CLN3: variants seen among roughly 807,000 people sequenced by gnomAD.
CLN3 encodes the protein battenin.
Under a neutral mutation model 60.7 loss-of-function variants are expected in CLN3, and 49 were observed. The ratio of observed to expected loss-of-function variants is 0.81; its 90% CI spans 0.64 to 1.02. The LOEUF (loss-of-function observed/expected upper bound fraction) is 1.02. Ranked by LOEUF, CLN3 falls within the 50% of genes least tolerant of loss-of-function variation. CLN3 has a pLI of 0.00. For missense variants in CLN3, 516 were observed against 557.4 expected, an observed-to-expected ratio of 0.93 and a Z score of 0.75; for synonymous variants, 256 against 245.8, an observed-to-expected ratio of 1.04 and a Z score of -0.39.
chr16:28,489,505 C>A, intron 3 of CLN3, 119 bp from the exon 4 acceptor site: 1 of 739,904 alleles, frequency 1.4e-6, no homozygotes. Context: ...TTCCCTCTAT[C>A]ACCAGATCCC....
At chr16:28,479,401 C>G (rs1223411822) in intron 14 of CLN3, 1 of 152,200 alleles carries the variant, frequency 6.6e-6, no homozygotes, top group African/African-American at 2.4e-5. Flanking sequence ...GCCTGGCCAA[C>G]ATGGCGAAAC....
intron 3 of CLN3, among the ~76,000 whole-genome samples, chr16:28,490,734 T>C (rs1377984809): frequency 7.9e-6 from 1 of 126,394 alleles, no homozygotes; most frequent in Non-Finnish European, 1.6e-5. Context: ...CACTCCAGCC[T>C]GGAGGACAGA....
At position 28,491,558 on chromosome 16, in the gene CLN3, C is replaced by T. The variant is rs386833726; in HGVS notation, c.49G>A (p.Glu17Lys). 2.7e-5 allele frequency: 44 copies of T among 1,614,006 alleles called. No individual in the cohort carries two copies. In the Admixed American group the frequency reaches 4.5e-4, roughly 17 times the overall value. The change falls in exon 3 of 16, where the codon GAG becomes AAG. Residue 17 changes from glutamate to lysine, a missense_variant and splice_region_variant. Coordinates refer to ENST00000636147, the MANE Select transcript of CLN3 (RefSeq NM_001042432.2). ...AGCCGGGGCTCCGGGACGGTCTCCT[C>T]CCCTGGGAGAGCGAGAAGAGGGCAT... ...SRRRFSDSEGEETVPEPRLPL... is the reference protein window; with the variant it reads ...SRRRFSDSEGKETVPEPRLPL...
chr16:28,478,831 A>G (rs1353415024), intron 14 of CLN3, among the ~76,000 whole-genome samples: 1 of 152,112 alleles, frequency 6.6e-6, no homozygotes. Context: ...CAACCAAAGC[A>G]TGCCTGCAGA....
chr16:28,486,750 GA>G, intron 7 of CLN3, 100 bp from the exon 8 acceptor site: 1 of 1,163,524 alleles, frequency 8.6e-7, no homozygotes, highest in South Asian at 1.3e-5. Context: ...TCAGCTCATA[GA>G]GGCTCCAATA....
intron 15 of CLN3, 26 bp downstream of exon 15, chr16:28,477,711 C>G (rs775671365): frequency 4.3e-6 from 7 of 1,614,108 alleles, no homozygotes; most frequent in Middle Eastern, 1.6e-4. Flanking sequence ...CAGGCCACCC[C>G]CAGCCCTTGC....
At chr16:28,487,417 C>T in intron 7 of CLN3, 39 bp downstream of exon 7, 2 of 1,520,632 alleles carry the variant, frequency 1.3e-6, no homozygotes, top group Non-Finnish European at 1.8e-6. Flanking sequence ...TGATGTGGTT[C>T]CTCGGGGCTC....
At chr16:28,479,218 T>C (rs1596553358) in intron 14 of CLN3, among the ~76,000 whole-genome samples, 1 of 152,204 alleles carries the variant, frequency 6.6e-6, no homozygotes, top group African/African-American at 2.4e-5. Flanking sequence ...TAGGTACAAA[T>C]GCCCCAAGCG....
At chr16:28,483,067 G>A (rs538369887) in intron 10 of CLN3, among the ~76,000 whole-genome samples, 1 of 151,844 alleles carries the variant, frequency 6.6e-6, no homozygotes, top group Admixed American at 6.6e-5. Context: ...TTGCGCCATT[G>A]CACTCCAGCC....
Position 28,482,190 on chromosome 16 carries a change from A to G in CLN3, c.971T>C (p.Met324Thr). Residue 324 changes from methionine (M) to threonine (T), a missense_variant, in exon 14 of 16, where the codon ATG becomes ACG. Coordinates refer to ENST00000636147, the MANE Select transcript of CLN3 (RefSeq NM_001042432.2). ...SHAQQYRWYQ[M>T]LYQAGVFASR... ...GGCAAAGACGCCAGCCTGGTACAGC[A>G]TCTGGTACCTGAGGTTAGGGTTGGG... 6.2e-7 allele frequency: 1 copy of G among 1,613,180 alleles called. No individual in the cohort carries two copies. The highest frequency in any genetic ancestry group is 8.5e-7 in the Non-Finnish European group (1 of 1,179,716).
At chr16:28,488,064 T>A (rs2141715894) in intron 5 of CLN3, 1 of 281,628 alleles carries the variant, frequency 3.6e-6, no homozygotes, top group Admixed American at 4.6e-5. Flanking sequence ...ATTTTGAGAG[T>A]GAGTCTCATT....
intron 10 of CLN3, among the ~76,000 whole-genome samples, chr16:28,483,100 A>G (rs42861): frequency 0.51 from 77,118 of 151,668 alleles, 20,451 homozygotes; most frequent in African/African-American, 0.64. Flanking sequence ...GCGAAACTCC[A>G]CCTCAAAAAA....
chr16:28,489,290 A>G lies in CLN3; in HGVS notation c.222T>C (p.His74=), dbSNP rs201225986. Residue 74 remains histidine (H), a splice_region_variant and synonymous_variant, in exon 4 of 16, where the codon CAT becomes CAC. Transcript: ENST00000636147. ...GTGGTGGTGGTAGAGAGTCACTTAC[A>G]TGGCTCTGGTTTCCCGATGTCCTCT... is the stretch of plus-strand genomic sequence containing the variant. The part of the protein sequence containing the change: ...SHKRTSGNQS[H]VDPGPTPIPH... 1.0e-4 allele frequency: 162 copies of G among 1,607,466 alleles called. No homozygotes were observed. The highest frequency in any genetic ancestry group is 1.1e-4 in the Non-Finnish European group (127 of 1,175,048).
chr16:28,472,629 T>C (rs993414315), downstream of CLN3, among the ~76,000 whole-genome samples: 8 of 148,620 alleles, frequency 5.4e-5, no homozygotes. Flanking sequence ...TCACTTGAGG[T>C]CAGGAGTTTG....
At position 28,482,669 on chromosome 16, in the gene CLN3, G is replaced by C; in HGVS notation, c.794C>G (p.Ser265Cys). ...RTEAPESKPG[S>C]SSSLSLRERW... ...TTCCCGAAGGGAGAGGCTGGAGCTG[G>C]AGCCTGCAGGGGAACAGAGAGAGAA... The change falls in exon 11 of 16, where the codon TCC becomes TGC. Residue 265 changes from serine to cysteine, a missense_variant. Physicochemically the swap from Ser to Cys is moderately radical, Grantham distance 112 (BLOSUM62 -1). Transcript: ENST00000636147. The C allele has an allele frequency of 6.2e-7, 1 of 1,614,188 alleles. No individual in the cohort carries two copies. Among genetic ancestry groups the C allele is most frequent in the Non-Finnish European group, 8.5e-7 (1 of 1,180,042 alleles).
rs762192561 is a variant in CLN3 at position 28,484,066 on chromosome 16, CT to C, written c.729del (p.Glu244LysfsTer11). ...GGCTGCCGGGCTGCGCTCTCTGCTT[CT>C]TCTTCCCCTCCAGGGTCCTGGGCCT... ...SPEAQDPGGEEEAESAARQPL... is the reference protein window; with the variant it reads ...SPEAQDPGGEXEAESAARQPL... On this transcript the variant is annotated frameshift_variant, in exon 10 of 16. Coordinates refer to ENST00000636147, the MANE Select transcript of CLN3 (RefSeq NM_001042432.2). LOFTEE classifies it high-confidence loss of function. 2 of 1,612,778 alleles carry C rather than the reference CT, an allele frequency of 1.2e-6. No homozygotes were observed. The highest frequency in any genetic ancestry group is 2.2e-5 in the South Asian group (2 of 90,648).
chr16:28,482,221 G>A, intron 13 of CLN3, 23 bp from the exon 14 acceptor site: 1 of 1,607,468 alleles, frequency 6.2e-7, no homozygotes, highest in South Asian at 1.1e-5. Flanking sequence ...TTGGGGGGAG[G>A]AGAGGAGGCT....
chr16:28,482,572 G>C (rs1393857217), intron 11 of CLN3, 27 bp from the exon 12 acceptor site: 2 of 1,614,152 alleles, frequency 1.2e-6, no homozygotes, highest in African/African-American at 1.3e-5. Flanking sequence ...ATATAAGCGG[G>C]GGGCCTGGAG....
chr16:28,485,684 TAA>T (rs758152793), intron 9 of CLN3, among the ~76,000 whole-genome samples: 9 of 84,566 alleles, frequency 1.1e-4, no homozygotes, highest in South Asian at 1.0e-3. Flanking sequence ...CAACACTGAT[TAA>T]AAAAAAAAAA....
Sources: allele counts gnomAD v4.1 joint callset (sites outside exome capture counted in the v4.1 genomes callset), GRCh38; gene constraint gnomAD v4.1.1; transcripts MANE v1.5; gene names NCBI Gene and HGNC (gene_info 2026-07-23, HGNC 2026-07-21).